Variants in GALNT14 observed in about 807,000 individuals in gnomAD.
The protein encoded by GALNT14 is UDP-GalNAc:polypeptide N-acetylgalactosaminyltransferase 14.
Under a neutral mutation model 77.5 loss-of-function variants are expected in GALNT14, and 60 were observed. The observed-to-expected ratio is 0.77, with a 90% CI of 0.63 to 0.96. The LOEUF is 0.96. Ranked by LOEUF, GALNT14 falls within the 40% of genes least tolerant of loss-of-function variation. The probability of loss-of-function intolerance (pLI) is 0.00; values close to 1 mark genes in which losing one functional copy is unlikely to be tolerated. For synonymous variants in GALNT14, 280 were observed against 281.7 expected, an observed-to-expected ratio of 0.99 and a Z score of 0.06; for missense variants, 710 against 731.0, an observed-to-expected ratio of 0.97 and a Z score of 0.33.
chr2:30,906,084 C>T (rs369771551), downstream of GALNT14, among the ~76,000 whole-genome samples: 66 of 151,132 alleles, frequency 4.4e-4, 1 homozygote, highest in Non-Finnish European at 5.5e-4. Flanking sequence ...AAAGGAACAA[C>T]CAGTACCAGC....
At position 30,910,946 on chromosome 2, in the gene GALNT14, A is replaced by C. The variant is rs868796616; in HGVS notation, c.1614T>G (p.Cys538Trp). 6.2e-7 allele frequency: 1 copy of C among 1,613,458 alleles called. No individual in the cohort carries two copies. Among genetic ancestry groups the C allele is most frequent in the Non-Finnish European group, 8.5e-7 (1 of 1,179,932 alleles). The change falls in exon 15 of 15, where the codon TGT (cysteine) becomes TGG (tryptophan). Residue 538 changes from cysteine to tryptophan, a missense_variant. Transcript: ENST00000349752. ...AGTGCTGGCTCATGAGTGAGGACTC[A>C]CATGGGTTGACGACGATTTCCTTGC... ...ENGKEIVVNP[C>W]ESSLMSQHWD...
At chr2:30,899,398 C>T in the GALNT14 span, among the ~76,000 whole-genome samples, 3 of 152,176 alleles carry the variant, frequency 2.0e-5, no homozygotes, top group East Asian at 1.9e-4. Context: ...GGGCACTCAC[C>T]GCTCCTTGCT....
At chr2:31,054,512 C>T (rs1315894485) in intron 1 of GALNT14, among the ~76,000 whole-genome samples, 2 of 152,204 alleles carry the variant, frequency 1.3e-5, no homozygotes, top group African/African-American at 2.4e-5. Flanking sequence ...TCTTGTCCAT[C>T]ATATTCAACC....
intron 1 of GALNT14, among the ~76,000 whole-genome samples, chr2:31,014,123 G>A (rs1671201341): frequency 6.6e-6 from 1 of 152,030 alleles, no homozygotes; most frequent in Non-Finnish European, 1.5e-5. Context: ...GTAAAATGGG[G>A]AGAATAATGC....
chr2:31,047,038 C>T (rs577555218), intron 1 of GALNT14, among the ~76,000 whole-genome samples: 14 of 152,264 alleles, frequency 9.2e-5, no homozygotes, highest in Admixed American at 3.3e-4. Flanking sequence ...GGAAGTAGAA[C>T]CTCCTGTGTG....
chr2:30,956,744 T>G (rs1467522777), intron 4 of GALNT14, among the ~76,000 whole-genome samples: 5 of 152,202 alleles, frequency 3.3e-5, no homozygotes, highest in African/African-American at 1.2e-4. Context: ...TGACCTCAGA[T>G]GATCCTCCCG....
At chr2:31,102,513 G>A (rs1677329712) in intron 1 of GALNT14, among the ~76,000 whole-genome samples, 1 of 152,022 alleles carries the variant, frequency 6.6e-6, no homozygotes, top group Admixed American at 6.6e-5. Context: ...TGTAATCAGA[G>A]AATATTGTAT....
At chr2:31,037,376 C>G (rs4952032) in intron 1 of GALNT14, among the ~76,000 whole-genome samples, 73,734 of 152,006 alleles carry the variant, frequency 0.49, 18,562 homozygotes, top group African/African-American at 0.62. Context: ...TTTAATTAAT[C>G]AGACAATGTT....
At chr2:31,061,916 T>G (rs1006896790) in intron 1 of GALNT14, among the ~76,000 whole-genome samples, 2 of 152,218 alleles carry the variant, frequency 1.3e-5, no homozygotes, top group African/African-American at 4.8e-5. Flanking sequence ...ACTGCTACCA[T>G]GAGCACTGAA....
At chr2:30,930,529 G>A (rs558698665) in intron 10 of GALNT14, among the ~76,000 whole-genome samples, 59 of 152,320 alleles carry the variant, frequency 3.9e-4, no homozygotes, top group South Asian at 1.2e-3. Context: ...GCCATCAGGC[G>A]TACCAGAAAG....
rs557256761 is a variant in GALNT14 at position 31,008,449 on chromosome 2, T to C, written c.130-15442A>G. Among the ~76,000 whole-genome samples, 4 of 152,284 alleles carry C rather than the reference T, an allele frequency of 2.6e-5. No homozygotes were observed. The East Asian group carries it at 7.7e-4, about 29-fold the overall frequency. On this transcript the variant is annotated intron_variant, in intron 1 of 14. Coordinates refer to ENST00000349752, the MANE Select transcript of GALNT14 (RefSeq NM_024572.4). ...CTCTCTTCAGTTTCCAAGGACCAGA[T>C]TCTCTCTGAGGTCCCTTCCTTCAGA...
chr2:31,075,617 G>A (rs1295142281), intron 1 of GALNT14, among the ~76,000 whole-genome samples: 1 of 152,230 alleles, frequency 6.6e-6, no homozygotes, highest in Non-Finnish European at 1.5e-5. Flanking sequence ...GAGAGTGACA[G>A]CGTGTTTACA....
chr2:31,124,890 C>T (rs1390390957), intron 1 of GALNT14, among the ~76,000 whole-genome samples: 1 of 152,070 alleles, frequency 6.6e-6, no homozygotes, highest in Non-Finnish European at 1.5e-5. Flanking sequence ...CTGGAAGCCT[C>T]TTCTTTCTAC....
intron 1 of GALNT14, among the ~76,000 whole-genome samples, chr2:31,130,742 G>A (rs949832891): frequency 0.021 from 2,717 of 130,084 alleles, 82 homozygotes; most frequent in African/African-American, 0.088. Context: ...CTCTGTGTGT[G>A]TGTGTGTGTG....
chr2:31,012,584 CT>C (rs1419274245), intron 1 of GALNT14, among the ~76,000 whole-genome samples: 1 of 152,068 alleles, frequency 6.6e-6, no homozygotes, highest in Non-Finnish European at 1.5e-5. Flanking sequence ...CAAACTATGC[CT>C]TGTGGAGGAA....
At chr2:30,951,705 G>T (rs1435273299) in intron 6 of GALNT14, among the ~76,000 whole-genome samples, 1 of 152,186 alleles carries the variant, frequency 6.6e-6, no homozygotes, top group African/African-American at 2.4e-5. Flanking sequence ...TATGAAATCA[G>T]TTTGGGGGCA....
At chr2:31,011,164 C>G (rs77821932) in intron 1 of GALNT14, among the ~76,000 whole-genome samples, 1 of 152,214 alleles carries the variant, frequency 6.6e-6, no homozygotes, top group African/African-American at 2.4e-5. Context: ...GTGACTTAAC[C>G]TCTCTCCCTC....
intron 1 of GALNT14, among the ~76,000 whole-genome samples, chr2:31,045,451 CA>C (rs1355901461): frequency 6.6e-6 from 1 of 152,132 alleles, no homozygotes; most frequent in Non-Finnish European, 1.5e-5. Flanking sequence ...ACCCCTCCCC[CA>C]TTTTCATATG....
chr2:31,120,155 C>CAAAAAAAAAAAAAAAA (rs753835346), intron 1 of GALNT14, among the ~76,000 whole-genome samples: 1 of 66,786 alleles, frequency 1.5e-5, no homozygotes, highest in African/African-American at 5.4e-5. Flanking sequence ...GACTCCGTCT[C>CAAAAAAAAAAAAAAAA]AAAAAAAAAA....
Sources: gnomAD v4.1 joint callset for allele counts (sites outside exome capture counted in the v4.1 genomes callset) on GRCh38, gnomAD v4.1.1 for gene constraint, MANE v1.5 for transcripts, NCBI Gene and HGNC (gene_info 2026-07-23, HGNC 2026-07-21) for gene names.